The following LPP variants were observed in gnomAD, a reference collection of about 807,000 sequenced individuals.
LPP encodes LIM domain containing preferred translocation partner in lipoma.
Under a neutral mutation model 60.4 loss-of-function variants are expected in LPP, and 38 were observed. The ratio of observed to expected loss-of-function variants is 0.63; its 90% CI spans 0.49 to 0.83. The LOEUF (loss-of-function observed/expected upper bound fraction) is 0.83, where lower values mean the gene tolerates loss of function less well. LPP is among the 40% of genes least tolerant of loss of function. The probability of loss-of-function intolerance (pLI) is 0.00; values close to 1 mark genes in which losing one functional copy is unlikely to be tolerated. For synonymous variants in LPP, 328 were observed against 290.8 expected (o/e 1.13, Z -1.30); for missense variants, 902 against 783.6 (o/e 1.15, Z -1.80).
chr3:188,496,077 T>C (rs1171024599), intron 5 of LPP, among the ~76,000 whole-genome samples: 1 of 152,180 alleles, frequency 6.6e-6, no homozygotes. Context: ...CATTAACTTC[T>C]GTGAGTTTGA....
chr3:188,740,640 A>T (rs527333303), intron 8 of LPP, among the ~76,000 whole-genome samples: 6 of 151,986 alleles, frequency 3.9e-5, no homozygotes, highest in Non-Finnish European at 8.8e-5. Context: ...TCATAGGGTA[A>T]GGACCATTTA....
chr3:188,193,655 CT>C (rs1397623114), intron 1 of LPP, among the ~76,000 whole-genome samples: 1 of 152,096 alleles, frequency 6.6e-6, no homozygotes, highest in Non-Finnish European at 1.5e-5. Flanking sequence ...CATGTGTGGT[CT>C]GGTGGACACT....
At chr3:188,368,711 CACACACACAGAGAGAG>C (rs1253408791) in intron 3 of LPP, among the ~76,000 whole-genome samples, 4 of 120,092 alleles carry the variant, frequency 3.3e-5, no homozygotes, top group African/African-American at 1.2e-4. Flanking sequence ...CACACACACA[CACACACACAGAGAGAG>C]AGAGAGAGAG....
At chr3:188,527,735 C>CT (rs1369444354) in intron 6 of LPP, among the ~76,000 whole-genome samples, 2 of 147,982 alleles carry the variant, frequency 1.4e-5, no homozygotes, top group African/African-American at 4.9e-5. Flanking sequence ...TGCCCAAATG[C>CT]TTTTTTGTGC....
At position 188,781,719 on chromosome 3, in the gene LPP, T is replaced by TA. The variant is rs1280975477; in HGVS notation, c.1410+21450dup. 5.8e-3 allele frequency among the ~76,000 whole-genome samples: 812 copies of TA among 140,868 alleles called. 6 individuals carry two copies. The highest frequency in any genetic ancestry group is 0.014 in the African/African-American group (554 of 38,510). The allele number at this position is 140,868 out of a possible 152,430, so 92.4% of individuals were successfully genotyped here. On this transcript the variant is annotated intron_variant, in intron 9 of 11. Transcript: ENST00000617246. The stretch of plus-strand genomic sequence containing the variant: ...TAACACGGTGAAACCCCATCTCTAC[T>TA]AAAAAAAAAAAAATACAAAAAAATT...
In LPP at chr3:188,874,866, T is replaced by C. The variant is rs374162283; in HGVS notation, c.*387T>C. On this transcript the variant is annotated 3_prime_UTR_variant, in exon 12 of 12. Transcript: ENST00000617246. The stretch of plus-strand genomic sequence containing the variant: ...CTGGGTGAGTCTGCCAACTCACAGG[T>C]GCTTTTAGGCTTGAAATCTCCATCC... The C allele has an allele frequency of 2.5e-5, 6 of 242,144 alleles. No homozygotes were observed. Among genetic ancestry groups the C allele is most frequent in the East Asian group, 1.8e-4 (3 of 16,928 alleles). The allele number at this position is 242,144 out of a possible 1,614,324, so 15.0% of individuals were successfully genotyped here. A position where few individuals can be genotyped will look rare whatever the true frequency, so the allele number is the denominator to read the frequency against.
At chr3:188,748,660 GT>G (rs1727084945) in intron 8 of LPP, among the ~76,000 whole-genome samples, 1 of 152,136 alleles carries the variant, frequency 6.6e-6, no homozygotes, top group African/African-American at 2.4e-5. Context: ...ACGTGCGCCT[GT>G]AATCCCAGCT....
intron 6 of LPP, among the ~76,000 whole-genome samples, 184 bp downstream of exon 6, chr3:188,524,971 C>CTTTTT (rs540192956): frequency 3.4e-5 from 4 of 119,292 alleles, no homozygotes; most frequent in Admixed American, 9.2e-5. Flanking sequence ...CTTTCTTTCT[C>CTTTTT]TTTTTTTTTT....
chr3:188,794,095 G>A (rs1011124236), intron 9 of LPP, among the ~76,000 whole-genome samples: 3 of 152,238 alleles, frequency 2.0e-5, no homozygotes, highest in Non-Finnish European at 4.4e-5. Flanking sequence ...ATTCCCTGCA[G>A]TACAATATTT....
In LPP at chr3:188,883,418, T is replaced by C. The variant is rs1478363424; in HGVS notation, c.*8939T>C. On this transcript the variant is annotated 3_prime_UTR_variant, in exon 12 of 12. Transcript: ENST00000617246. Reference sequence around the variant, plus strand: ...AACAGTACACCCCTTTTATCTGACTTGTTGATAATGACCTTAAAAATGTTA... The same window carrying C: ...AACAGTACACCCCTTTTATCTGACTCGTTGATAATGACCTTAAAAATGTTA... 4.9e-6 allele frequency: 1 copy of C among 204,810 alleles called. No individual in the cohort carries two copies. The highest frequency in any genetic ancestry group is 1.0e-5 in the Non-Finnish European group (1 of 99,714). 12.7% of individuals were successfully genotyped at this position (204,810 alleles called of 1,614,324 possible).
chr3:188,682,527 A>G (rs932854464), intron 7 of LPP, among the ~76,000 whole-genome samples: 136 of 152,328 alleles, frequency 8.9e-4, no homozygotes, highest in African/African-American at 3.2e-3. Context: ...AGGCCAAGCA[A>G]CAGGCACCAG....
intron 9 of LPP, among the ~76,000 whole-genome samples, chr3:188,776,558 G>T (rs1359717274): frequency 6.6e-6 from 1 of 152,174 alleles, no homozygotes; most frequent in Non-Finnish European, 1.5e-5. Flanking sequence ...GTCTTCCTCT[G>T]ATGGCATCTT....
At chr3:188,370,320 G>A (rs562012557) in intron 3 of LPP, among the ~76,000 whole-genome samples, 109 of 152,206 alleles carry the variant, frequency 7.2e-4, no homozygotes, top group Non-Finnish European at 9.3e-4. Context: ...ATTCCTGAAG[G>A]CTGCACCGCC....
chr3:188,162,216 A>C (rs772354071), intron 1 of LPP, among the ~76,000 whole-genome samples: 4 of 152,230 alleles, frequency 2.6e-5, no homozygotes, highest in Non-Finnish European at 5.9e-5. Flanking sequence ...GTTCCCAAAT[A>C]TAATGCAAGA....
chr3:188,865,700 A>G (rs1766405588), intron 9 of LPP, among the ~76,000 whole-genome samples: 1 of 152,118 alleles, frequency 6.6e-6, no homozygotes. Context: ...TTTTGTAAAT[A>G]AAGTATTACT....
At chr3:188,592,557 G>GTTGTTTGTTTTTTTTTTTTTTTTTTTT (rs1553936334) in intron 6 of LPP, among the ~76,000 whole-genome samples, 2 of 85,748 alleles carry the variant, frequency 2.3e-5, no homozygotes, top group Non-Finnish European at 4.6e-5. Flanking sequence ...TTTTGTTTTT[G>GTTGTTTGTTTTTTTTTTTTTTTTTTTT]TTTTTTAAAT....
intron 4 of LPP, among the ~76,000 whole-genome samples, chr3:188,462,372 T>C (rs2149441668): frequency 6.6e-6 from 1 of 151,410 alleles, no homozygotes; most frequent in East Asian, 1.9e-4. Flanking sequence ...CAGTTTGATA[T>C]GCTACTGCCC....
At chr3:188,794,593 G>T (rs1049187957) in intron 9 of LPP, among the ~76,000 whole-genome samples, 1 of 152,116 alleles carries the variant, frequency 6.6e-6, no homozygotes, top group Non-Finnish European at 1.5e-5. Flanking sequence ...GTTGGAAAAA[G>T]CCATCGAGGA....
chr3:188,240,179 A>G (rs1723517750), intron 2 of LPP: 1 of 183,098 alleles, frequency 5.5e-6, no homozygotes, highest in East Asian at 8.9e-5. Flanking sequence ...TTTATGTGTA[A>G]ATGATATCTG....
Sources: gnomAD v4.1 joint callset for allele counts (sites outside exome capture counted in the v4.1 genomes callset) on GRCh38, gnomAD v4.1.1 for gene constraint, MANE v1.5 for transcripts, NCBI Gene and HGNC (gene_info 2026-07-23, HGNC 2026-07-21) for gene names.